Variants in SLC41A2 observed in about 807,000 individuals in gnomAD.
The protein encoded by SLC41A2 is solute carrier family 41 member 2, also known as SLC41A1-like 1.
SLC41A2 carries 32 observed loss-of-function variants against 58.3 expected under a neutral mutation model. That is an observed-to-expected ratio of 0.55 (90% confidence interval 0.41 to 0.74). The LOEUF is 0.74. Among genes scored for constraint, SLC41A2 ranks in the 30% least tolerant of loss-of-function variants. The pLI is 0.00. For synonymous variants in SLC41A2, 190 were observed against 235.0 expected (o/e 0.81, Z 1.75); for missense variants, 514 against 680.6 (o/e 0.76, Z 2.72).
At chr12:104,928,772 A>C in intron 1 of SLC41A2, 78 bp from the exon 2 acceptor site, 1 of 321,800 alleles carries the variant, frequency 3.1e-6, no homozygotes, top group South Asian at 1.1e-4. Flanking sequence ...CAATTCTTAT[A>C]AAGGTATTAA....
chr12:104,817,435 G>C (rs529803287), intron 10 of SLC41A2, among the ~76,000 whole-genome samples: 2 of 152,132 alleles, frequency 1.3e-5, no homozygotes, highest in African/African-American at 4.8e-5. Context: ...TTAGCTGACA[G>C]TAACTTTACT....
chr12:104,929,907 G>C (rs934321724), intron 1 of SLC41A2, among the ~76,000 whole-genome samples: 1 of 152,172 alleles, frequency 6.6e-6, no homozygotes, highest in South Asian at 2.1e-4. Context: ...TCTCCTCTCT[G>C]GATAGGAAGA....
At chr12:104,905,191 G>A (rs1382031910) in intron 3 of SLC41A2, among the ~76,000 whole-genome samples, 1 of 152,118 alleles carries the variant, frequency 6.6e-6, no homozygotes, top group African/African-American at 2.4e-5. Flanking sequence ...CACAAACCTT[G>A]AGCTAAACAC....
chr12:104,873,887 T>C (rs1463000650), intron 6 of SLC41A2, among the ~76,000 whole-genome samples: 8 of 152,176 alleles, frequency 5.3e-5, no homozygotes, highest in South Asian at 2.1e-4. Context: ...GTGTTTTTTA[T>C]TGAGTTATGT....
At chr12:104,847,568 G>C (rs902501849) in intron 8 of SLC41A2, among the ~76,000 whole-genome samples, 3 of 137,064 alleles carry the variant, frequency 2.2e-5, no homozygotes, top group African/African-American at 8.4e-5. Context: ...TCACACCACT[G>C]CACTCCAGCC....
At chr12:104,852,271 T>C (rs2042830037) in intron 8 of SLC41A2, among the ~76,000 whole-genome samples, 1 of 152,214 alleles carries the variant, frequency 6.6e-6, no homozygotes, top group Admixed American at 6.5e-5. Context: ...TAGGAATGCA[T>C]AAATTGCATT....
chr12:104,844,364 A>C, intron 10 of SLC41A2, 108 bp downstream of exon 10: 1 of 654,216 alleles, frequency 1.5e-6, no homozygotes, highest in Non-Finnish European at 2.3e-6. Context: ...GAAGATGTTC[A>C]GTTGATTTTT....
intron 6 of SLC41A2, among the ~76,000 whole-genome samples, chr12:104,880,190 T>G (rs1041758480): frequency 6.6e-5 from 10 of 152,162 alleles, no homozygotes; most frequent in Admixed American, 1.3e-4. Flanking sequence ...TGCTGAAGTT[T>G]CTTATCAGCT....
chr12:104,835,281 ATG>A (rs2042170458), intron 10 of SLC41A2, among the ~76,000 whole-genome samples: 1 of 152,188 alleles, frequency 6.6e-6, no homozygotes, highest in Admixed American at 6.5e-5. Context: ...CATCAGAGGA[ATG>A]TGTCAGATCT....
At chr12:104,861,127 G>A (rs990993428) in intron 8 of SLC41A2, among the ~76,000 whole-genome samples, 164 bp downstream of exon 8, 1 of 152,132 alleles carries the variant, frequency 6.6e-6, no homozygotes, top group Non-Finnish European at 1.5e-5. Context: ...TTGAGACCTG[G>A]GAATGTAATT....
At chr12:104,821,655 G>T (rs1169364540) in intron 10 of SLC41A2, among the ~76,000 whole-genome samples, 10 of 152,134 alleles carry the variant, frequency 6.6e-5, no homozygotes, top group Non-Finnish European at 1.5e-4. Context: ...AAAACATGTT[G>T]AAATAAAACA....
Position 104,911,841 on chromosome 12 carries a change from C to T in SLC41A2, c.556-2079G>A, listed in dbSNP as rs534077821. ...TGGGTGGGGGGGGTTCAATGGCACC[C>T]CAGATTATTAGTCTTAAAAACTAAC... On this transcript the variant is annotated intron_variant, in intron 2 of 10. Transcript: ENST00000258538. Among the ~76,000 whole-genome samples the T allele has an allele frequency of 1.2e-4, 18 of 152,218 alleles. No individual in the cohort carries two copies. The South Asian group carries it at 3.7e-3, about 32-fold the overall frequency.
chr12:104,894,541 A>G (rs1418816910), intron 4 of SLC41A2, among the ~76,000 whole-genome samples: 2 of 152,190 alleles, frequency 1.3e-5, no homozygotes, highest in African/African-American at 4.8e-5. Context: ...CACGTATTCA[A>G]AAAATGTGCT....
chr12:104,878,571 T>C (rs929310922), intron 6 of SLC41A2, among the ~76,000 whole-genome samples: 2 of 152,052 alleles, frequency 1.3e-5, no homozygotes, highest in Non-Finnish European at 2.9e-5. Context: ...TGTTTGGTTT[T>C]CTGTCCATGC....
intron 3 of SLC41A2, among the ~76,000 whole-genome samples, chr12:104,898,132 C>T (rs991920915): frequency 1.3e-5 from 2 of 151,902 alleles, no homozygotes; most frequent in Non-Finnish European, 2.9e-5. Context: ...GAAAAATAGG[C>T]CATTATTTTT....
chr12:104,950,986 C>T (rs957074500), intron 1 of SLC41A2, among the ~76,000 whole-genome samples: 1 of 152,080 alleles, frequency 6.6e-6, no homozygotes, highest in Non-Finnish European at 1.5e-5. Context: ...ATCATTTTCA[C>T]TTTTTTTGAT....
At chr12:104,853,707 A>ATG (rs2042886931) in intron 8 of SLC41A2, among the ~76,000 whole-genome samples, 1 of 130,290 alleles carries the variant, frequency 7.7e-6, no homozygotes. Context: ...TTTTTTAAAT[A>ATG]AATGTATGTA....
chr12:104,914,240 A>G (rs535474807), intron 2 of SLC41A2, among the ~76,000 whole-genome samples: 1 of 152,260 alleles, frequency 6.6e-6, no homozygotes, highest in South Asian at 2.1e-4. Context: ...GTAAGTATTT[A>G]TTTCCTAACA....
intron 10 of SLC41A2, among the ~76,000 whole-genome samples, chr12:104,809,477 G>A (rs1374859580): frequency 6.6e-6 from 1 of 152,190 alleles, no homozygotes; most frequent in Non-Finnish European, 1.5e-5. Context: ...GTCAGAGAGA[G>A]GTTGTACTTT....
Sources: gnomAD v4.1 joint callset for allele counts (sites outside exome capture counted in the v4.1 genomes callset) on GRCh38, gnomAD v4.1.1 for gene constraint, MANE v1.5 for transcripts, NCBI Gene and HGNC (gene_info 2026-07-23, HGNC 2026-07-21) for gene names.